Variants in NOS1AP observed in about 807,000 individuals in gnomAD.
NOS1AP encodes the protein nitric oxide synthase 1 adaptor protein.
NOS1AP carries 21 observed loss-of-function variants against 56.2 expected under a neutral mutation model. The ratio of observed to expected loss-of-function variants is 0.37; its 90% CI spans 0.26 to 0.54. The LOEUF (loss-of-function observed/expected upper bound fraction) is 0.54. Ranked by LOEUF, NOS1AP falls within the 20% of genes least tolerant of loss-of-function variation. The pLI is 0.84. For synonymous variants in NOS1AP, 270 were observed against 274.6 expected (o/e 0.98, Z 0.17); for missense variants, 522 against 657.8 (o/e 0.79, Z 2.26).
chr1:162,088,368 T>A (rs1692049477), intron 1 of NOS1AP, among the ~76,000 whole-genome samples: 1 of 152,200 alleles, frequency 6.6e-6, no homozygotes, highest in Non-Finnish European at 1.5e-5. Context: ...ATTTCATATG[T>A]TCAGGCTGGG....
At chr1:162,299,633 G>A (rs139538089) in intron 3 of NOS1AP, among the ~76,000 whole-genome samples, 173 of 152,232 alleles carry the variant, frequency 1.1e-3, no homozygotes, top group African/African-American at 4.0e-3. Context: ...TTAGTTTTTG[G>A]CTGTAACTGA....
At chr1:162,198,029 G>T (rs898364884) in intron 2 of NOS1AP, among the ~76,000 whole-genome samples, 1 of 152,252 alleles carries the variant, frequency 6.6e-6, no homozygotes, top group African/African-American at 2.4e-5. Flanking sequence ...TCATGGAGGC[G>T]TCATGGGCCC....
intron 2 of NOS1AP, among the ~76,000 whole-genome samples, chr1:162,160,610 G>A (rs1650161860): frequency 6.6e-6 from 1 of 151,958 alleles, no homozygotes; most frequent in African/African-American, 2.4e-5. Context: ...ACCTCCTCTG[G>A]GAGGCTTTGT....
chr1:162,116,974 A>C (rs1647985572), intron 1 of NOS1AP, among the ~76,000 whole-genome samples: 2 of 152,196 alleles, frequency 1.3e-5, no homozygotes, highest in Admixed American at 6.5e-5. Context: ...AACAGGAGAC[A>C]GCCTTTGTTC....
intron 2 of NOS1AP, among the ~76,000 whole-genome samples, chr1:162,277,083 C>T (rs959222791): frequency 5.9e-5 from 9 of 152,074 alleles, no homozygotes; most frequent in Non-Finnish European, 1.2e-4. Context: ...TCTGAGACTA[C>T]GCTAGAAATA....
At chr1:162,356,213 C>T (rs544426792) in intron 7 of NOS1AP, among the ~76,000 whole-genome samples, 85 of 152,280 alleles carry the variant, frequency 5.6e-4, no homozygotes, top group Non-Finnish European at 1.6e-4. Context: ...TGAAGAAGTC[C>T]CCACAGCAGA....
At chr1:162,361,972 G>A (rs1001817739) in intron 8 of NOS1AP, among the ~76,000 whole-genome samples, 5 of 152,192 alleles carry the variant, frequency 3.3e-5, no homozygotes, top group South Asian at 2.1e-4. Flanking sequence ...CAACCTGGAT[G>A]TAGAATTATC....
intron 1 of NOS1AP, among the ~76,000 whole-genome samples, chr1:162,153,970 C>CTTTT (rs141108657): frequency 7.2e-6 from 1 of 138,858 alleles, no homozygotes; most frequent in African/African-American, 2.7e-5. Context: ...GGTATATATT[C>CTTTT]TTTTTTTTTT....
chr1:162,317,534 T>C (rs1656269604), intron 4 of NOS1AP, among the ~76,000 whole-genome samples: 3 of 152,128 alleles, frequency 2.0e-5, no homozygotes, highest in Admixed American at 1.3e-4. Flanking sequence ...CCTCAGCTGA[T>C]GAAGGGGAAT....
At chr1:162,251,826 T>G (rs561263010) in intron 2 of NOS1AP, among the ~76,000 whole-genome samples, 1 of 148,104 alleles carries the variant, frequency 6.8e-6, no homozygotes, top group South Asian at 2.2e-4. Flanking sequence ...TAGCTGGGAC[T>G]ACAGGCATGC....
chr1:162,353,117 T>C (rs1346172571), intron 6 of NOS1AP, among the ~76,000 whole-genome samples: 1 of 150,664 alleles, frequency 6.6e-6, no homozygotes, highest in Non-Finnish European at 1.5e-5. Flanking sequence ...CTCCATGTTA[T>C]TGCCATTGTC....
At chr1:162,258,860 A>G (rs1654117908) in intron 2 of NOS1AP, among the ~76,000 whole-genome samples, 1 of 152,214 alleles carries the variant, frequency 6.6e-6, no homozygotes, top group South Asian at 2.1e-4. Flanking sequence ...TACAGAGTCC[A>G]TAACAAATAA....
chr1:162,335,830 C>A lies in NOS1AP; in HGVS notation c.453+2705C>A, dbSNP rs1345336815. Among the ~76,000 whole-genome samples the A allele has an allele frequency of 4.6e-5, 7 of 152,328 alleles. No homozygotes were observed. In the East Asian group the frequency reaches 1.3e-3, roughly 29 times the overall value. On this transcript the variant is annotated intron_variant, in intron 5 of 9. Coordinates refer to ENST00000361897, the MANE Select transcript of NOS1AP (RefSeq NM_014697.3). ...GGTGTCATCATCACCCTAGAGTTCA[C>A]ATGGGGAAAGGGTTACCTCCTCTCT...
chr1:162,144,582 C>CTTTTA (rs937898154), intron 1 of NOS1AP, among the ~76,000 whole-genome samples: 1 of 151,980 alleles, frequency 6.6e-6, no homozygotes. Context: ...CTTTTCTTTT[C>CTTTTA]TTTTCTTTTC....
intron 2 of NOS1AP, among the ~76,000 whole-genome samples, chr1:162,245,276 A>G (rs1468973990): frequency 6.6e-6 from 1 of 152,244 alleles, no homozygotes; most frequent in African/African-American, 2.4e-5. Flanking sequence ...GCATATGAAC[A>G]GATGCTGAGC....
intron 1 of NOS1AP, among the ~76,000 whole-genome samples, chr1:162,143,470 A>G (rs1649321307): frequency 6.6e-6 from 1 of 152,034 alleles, no homozygotes; most frequent in African/African-American, 2.4e-5. Context: ...TATTTTCTAA[A>G]CTATAAAACT....
At chr1:162,182,669 A>G (rs1171924738) in intron 2 of NOS1AP, among the ~76,000 whole-genome samples, 1 of 152,190 alleles carries the variant, frequency 6.6e-6, no homozygotes, top group African/African-American at 2.4e-5. Flanking sequence ...CATTTCAACA[A>G]TGTTCATAGC....
chr1:162,268,589 C>G (rs576053558), intron 2 of NOS1AP, among the ~76,000 whole-genome samples: 26 of 152,066 alleles, frequency 1.7e-4, no homozygotes, highest in African/African-American at 6.3e-4. Flanking sequence ...AGGAAACTCT[C>G]CAACGCAGAA....
rs140578412 is a variant in NOS1AP, at chr1:162,135,543, C to T, written c.106-18862C>T. On this transcript the variant is annotated intron_variant, in intron 1 of 9. Transcript: ENST00000361897. ...GCAGAACTGGCATTTATTTTGGACC[C>T]TGAGAAGCAGAAGCCTTCTGCATCT... Among the ~76,000 whole-genome samples, 10 of 152,208 alleles carry T rather than the reference C, an allele frequency of 6.6e-5. No homozygotes were observed. In the East Asian group the frequency reaches 1.7e-3, roughly 26 times the overall value.
Sources: gnomAD v4.1 joint callset for allele counts (sites outside exome capture counted in the v4.1 genomes callset) on GRCh38, gnomAD v4.1.1 for gene constraint, MANE v1.5 for transcripts, NCBI Gene and HGNC (gene_info 2026-07-23, HGNC 2026-07-21) for gene names.